The following ANK3 variants were observed in gnomAD, a reference collection of about 807,000 sequenced individuals.
The protein encoded by ANK3 is ankyrin 3.
A neutral mutation model predicts 370.9 loss-of-function variants in ANK3; 57 were observed. The observed-to-expected ratio is 0.15, with a 90% CI of 0.12 to 0.19. The LOEUF is 0.19. Ranked by LOEUF, ANK3 falls within the 10% of genes least tolerant of loss-of-function variation. The probability of loss-of-function intolerance (pLI) is 1.00; values close to 1 mark genes in which losing one functional copy is unlikely to be tolerated. For missense variants in ANK3, 4,439 were observed against 5,302.1 expected (o/e 0.84, Z 5.06); for synonymous variants, 1,929 against 1,946.3 (o/e 0.99, Z 0.23).
intron 25 of ANK3, among the ~76,000 whole-genome samples, chr10:60,122,190 AC>A (rs2093520249): frequency 6.6e-6 from 1 of 152,138 alleles, no homozygotes; most frequent in Non-Finnish European, 1.5e-5. Flanking sequence ...GCCTCTCCCT[AC>A]CCCTTTATAT....
intron 1 of ANK3, among the ~76,000 whole-genome samples, chr10:60,317,456 T>TCC (rs1355997377): frequency 6.6e-6 from 1 of 152,086 alleles, no homozygotes; most frequent in Non-Finnish European, 1.5e-5. Context: ...CTCCCTTGTG[T>TCC]CCCCCATCCT....
At chr10:60,711,605 A>G (rs1012121744) in intron 1 of ANK3, among the ~76,000 whole-genome samples, 1 of 152,090 alleles carries the variant, frequency 6.6e-6, no homozygotes, top group Non-Finnish European at 1.5e-5. Context: ...AGTGTAATAA[A>G]TACATAATGG....
intron 25 of ANK3, among the ~76,000 whole-genome samples, chr10:60,114,827 C>T (rs988587315): frequency 6.6e-6 from 1 of 152,144 alleles, no homozygotes; most frequent in African/African-American, 2.4e-5. Flanking sequence ...GTTGAAGCAT[C>T]GAGAACTAAA....
intron 7 of ANK3, among the ~76,000 whole-genome samples, chr10:60,245,638 T>C (rs981232470): frequency 2.0e-5 from 3 of 152,212 alleles, no homozygotes; most frequent in African/African-American, 7.2e-5. Context: ...ACTTAGCATG[T>C]TTTCAAGGTT....
chr10:60,425,931 G>T (rs1325923871), intron 2 of ANK3, among the ~76,000 whole-genome samples: 3 of 152,012 alleles, frequency 2.0e-5, no homozygotes, highest in Admixed American at 6.6e-5. Flanking sequence ...GGTTCTCTAG[G>T]TCTCAGTTTT....
chr10:60,199,258 G>C (rs2096635980), intron 13 of ANK3, among the ~76,000 whole-genome samples: 1 of 152,176 alleles, frequency 6.6e-6, no homozygotes. Context: ...CTACTGAATT[G>C]TGATAAGGTT....
chr10:60,063,039 G>A, intron 40 of ANK3, 72 bp downstream of exon 40: 1 of 1,452,330 alleles, frequency 6.9e-7, no homozygotes, highest in Non-Finnish European at 9.2e-7. Flanking sequence ...GCTTTTAAGT[G>A]ACTGCCTTGT....
chr10:60,060,047 G>C (rs1350304937), intron 40 of ANK3: 1 of 1,457,690 alleles, frequency 6.9e-7, no homozygotes, highest in Non-Finnish European at 9.2e-7. Context: ...GAATGAATTA[G>C]AATACATCAA....
At chr10:60,408,689 T>C (rs1292770437) in intron 2 of ANK3, among the ~76,000 whole-genome samples, 2 of 152,158 alleles carry the variant, frequency 1.3e-5, no homozygotes, top group African/African-American at 4.8e-5. Context: ...AAAGTATCAA[T>C]CTCTTTACTC....
intron 2 of ANK3, among the ~76,000 whole-genome samples, chr10:60,563,349 C>T (rs926789475): frequency 1.3e-5 from 2 of 152,164 alleles, no homozygotes; most frequent in African/African-American, 4.8e-5. Flanking sequence ...TTCCTCTCAC[C>T]CCAAGCTAAC....
In ANK3 at chr10:60,074,254, G is replaced by T. The variant is rs148753581; in HGVS notation, c.6627C>A (p.Thr2209=). Reference sequence around the variant, plus strand: ...CTTTAACCTTTTCTTTAATACTAGAGGTGGTGGGCTTTGGTTCCAATTCCA... The same window carrying T: ...CTTTAACCTTTTCTTTAATACTAGATGTGGTGGGCTTTGGTTCCAATTCCA... ...TFMELEPKPT[T]SSIKEKVKAF... is the part of the protein sequence containing the mutation. The change falls in exon 37 of 44, where the codon ACC becomes ACA. Residue 2209 remains threonine, a synonymous_variant. Coordinates refer to ENST00000280772, the MANE Select transcript of ANK3 (RefSeq NM_020987.5). 7 of 1,614,104 alleles carry T rather than the reference G, an allele frequency of 4.3e-6. No homozygotes were observed. The South Asian group carries it at 6.6e-5, about 15-fold the overall frequency.
At position 60,570,576 on chromosome 10, in the gene ANK3, A is replaced by G. The variant is rs376139154; in HGVS notation, c.96+44610T>C. On this transcript the variant is annotated intron_variant, in intron 2 of 43. Transcript: ENST00000373827. ...GTGAATGAAATATAATGAGGGGGAAAAAAACAGAAATGTGGGTACAGGTTA... is the reference window on the plus strand; with the variant it reads ...GTGAATGAAATATAATGAGGGGGAAGAAAACAGAAATGTGGGTACAGGTTA... Among the ~76,000 whole-genome samples the G allele has an allele frequency of 4.6e-5, 7 of 152,260 alleles. No individual in the cohort carries two copies. The East Asian group carries it at 7.7e-4, about 17-fold the overall frequency.
At chr10:60,508,843 C>T (rs1221804751) in intron 2 of ANK3, among the ~76,000 whole-genome samples, 1 of 152,134 alleles carries the variant, frequency 6.6e-6, no homozygotes, top group African/African-American at 2.4e-5. Context: ...TAATTAGATG[C>T]AGAAGTAGAA....
chr10:60,296,489 T>A (rs2042541182), intron 1 of ANK3, among the ~76,000 whole-genome samples: 1 of 152,190 alleles, frequency 6.6e-6, no homozygotes, highest in Non-Finnish European at 1.5e-5. Context: ...GCATGTTCCT[T>A]TCAAACATTT....
chr10:60,110,926 C>T (rs1478643280), intron 26 of ANK3, among the ~76,000 whole-genome samples: 1 of 152,138 alleles, frequency 6.6e-6, no homozygotes, highest in Non-Finnish European at 1.5e-5. Context: ...CCCTGGCAAC[C>T]GCTGAGTCTC....
At chr10:60,670,122 C>G (rs1564523684) in intron 1 of ANK3, among the ~76,000 whole-genome samples, 1 of 152,062 alleles carries the variant, frequency 6.6e-6, no homozygotes. Flanking sequence ...CTGTGCCCAG[C>G]CCTAATTGAT....
intron 16 of ANK3, among the ~76,000 whole-genome samples, chr10:60,194,989 A>T (rs1169690234): frequency 6.6e-6 from 1 of 152,128 alleles, no homozygotes; most frequent in Non-Finnish European, 1.5e-5. Flanking sequence ...GTAATCTAGA[A>T]CCCCAGTTCA....
At chr10:60,185,304 C>A (rs569519581) in intron 17 of ANK3, among the ~76,000 whole-genome samples, 5 of 152,048 alleles carry the variant, frequency 3.3e-5, no homozygotes, top group African/African-American at 7.2e-5. Context: ...TATGGAGTAA[C>A]CTTTTTCCAA....
intron 12 of ANK3, among the ~76,000 whole-genome samples, chr10:60,202,579 T>A (rs1466912392): frequency 6.6e-6 from 1 of 152,216 alleles, no homozygotes; most frequent in Non-Finnish European, 1.5e-5. Flanking sequence ...TTTCTTCTTT[T>A]AAGTAGTCAT....
Sources: allele counts gnomAD v4.1 joint callset (sites outside exome capture counted in the v4.1 genomes callset), GRCh38; gene constraint gnomAD v4.1.1; transcripts MANE v1.5; gene names NCBI Gene and HGNC (gene_info 2026-07-23, HGNC 2026-07-21).